The following MYOM2 variants were observed in gnomAD, a reference collection of about 807,000 sequenced individuals.
MYOM2 encodes the protein myomesin 2.
MYOM2 carries 254 observed loss-of-function variants against 187.6 expected under a neutral mutation model. That is an observed-to-expected ratio of 1.35 (90% confidence interval 1.22 to 1.50). The LOEUF (loss-of-function observed/expected upper bound fraction) is 1.50. Ranked by LOEUF, MYOM2 falls within the 40% of genes most tolerant of loss-of-function variation. The pLI, the probability that MYOM2 is intolerant of heterozygous loss-of-function variation, is 0.00. For synonymous variants in MYOM2, 981 were observed against 753.8 expected (o/e 1.30, Z -4.94); for missense variants, 2,796 against 1,924.0 (o/e 1.45, Z -8.48).
At chr8:2,046,646 C>T (rs1166968756) in intron 1 of MYOM2, among the ~76,000 whole-genome samples, 1 of 152,176 alleles carries the variant, frequency 6.6e-6, no homozygotes, top group African/African-American at 2.4e-5. Flanking sequence ...GTCAGCAGGT[C>T]CCCACTGGAG....
rs535284696 is a variant in MYOM2 at position 2,129,587 on chromosome 8, G to C, written c.3800+355G>C. On this transcript the variant is annotated intron_variant, in intron 32 of 36. Coordinates refer to ENST00000262113, the MANE Select transcript of MYOM2 (RefSeq NM_003970.4). ...GTAGAAACCAGACTCCAAATTTCCAGTCAGTTGGTTTCCCGCTAGACTTGA... is the reference window on the plus strand; with the variant it reads ...GTAGAAACCAGACTCCAAATTTCCACTCAGTTGGTTTCCCGCTAGACTTGA... 1.6e-4 allele frequency among the ~76,000 whole-genome samples: 24 copies of C among 152,268 alleles called. No individual in the cohort carries two copies. The South Asian group carries it at 4.8e-3, about 30-fold the overall frequency.
chr8:2,099,446 C>G (rs539930724), intron 19 of MYOM2, among the ~76,000 whole-genome samples: 1 of 152,116 alleles, frequency 6.6e-6, no homozygotes, highest in African/African-American at 2.4e-5. Context: ...CTCAGGCCAT[C>G]TGGGGATCTC....
rs1221529583 is a variant in MYOM2 at position 2,090,009 on chromosome 8, C to T, written c.1646C>T (p.Ser549Phe). Residue 549 changes from serine (S) to phenylalanine (F), a missense_variant and splice_region_variant, in exon 15 of 37, where the codon TCC becomes TTC. Coordinates refer to ENST00000262113, the MANE Select transcript of MYOM2 (RefSeq NM_003970.4). ...KDPLMYFIEK[S>F]VVGSGSWQRV... ...TCTCGTTTCTGTTTCTCTTTGTAGT[C>T]CGTGGTGGGGAGCGGCAGCTGGCAG... 10 of 1,613,314 alleles carry T rather than the reference C, an allele frequency of 6.2e-6. No homozygotes were observed. Among genetic ancestry groups the T allele is most frequent in the Admixed American group, 3.3e-5 (2 of 59,954 alleles).
At chr8:2,068,280 G>A (rs889133749) in intron 6 of MYOM2, among the ~76,000 whole-genome samples, 27 of 151,796 alleles carry the variant, frequency 1.8e-4, no homozygotes, top group African/African-American at 6.0e-4. Context: ...GCACCAGGCA[G>A]AGAGCATCCT....
intron 20 of MYOM2, among the ~76,000 whole-genome samples, chr8:2,101,463 G>A (rs919161780): frequency 6.6e-6 from 1 of 152,234 alleles, no homozygotes; most frequent in African/African-American, 2.4e-5. Context: ...CTCTGCGCAA[G>A]CCAGCACCGA....
chr8:2,123,429 T>C, intron 29 of MYOM2, 64 bp downstream of exon 29: 1 of 1,485,344 alleles, frequency 6.7e-7, no homozygotes, highest in South Asian at 1.2e-5. Context: ...AACTCGTAAA[T>C]TCTACAATCC....
At chr8:2,049,012 C>T (rs1039120874) in intron 1 of MYOM2, among the ~76,000 whole-genome samples, 2 of 152,142 alleles carry the variant, frequency 1.3e-5, no homozygotes, top group African/African-American at 2.4e-5. Context: ...AGGGTAGTCT[C>T]AATCTCCTGA....
In MYOM2 at chr8:2,107,734, C is replaced by G. The variant is rs554337513; in HGVS notation, c.2999-1052C>G. On this transcript the variant is annotated intron_variant, in intron 23 of 36. Transcript: ENST00000262113. ...GCAGGGTGGGGAAGGACCCAAAATC[C>G]ATTTGCATGCTTTTAAAGCAGCCTC... Among the ~76,000 whole-genome samples, 17 of 152,300 alleles carry G rather than the reference C, an allele frequency of 1.1e-4. No homozygotes were observed. In the East Asian group the frequency reaches 2.5e-3, roughly 23 times the overall value.
chr8:2,055,887 C>T lies in MYOM2; in HGVS notation c.264-1461C>T, dbSNP rs569607756. On this transcript the variant is annotated intron_variant, in intron 3 of 36. Coordinates refer to ENST00000262113, the MANE Select transcript of MYOM2 (RefSeq NM_003970.4). ...TACCGGGACTTTCTGTGCGATGTGGCCCTGGCCAAGAAGCCTCTTGGTGGC... is the reference window on the plus strand; with the variant it reads ...TACCGGGACTTTCTGTGCGATGTGGTCCTGGCCAAGAAGCCTCTTGGTGGC... Among the ~76,000 whole-genome samples the T allele has an allele frequency of 6.6e-5, 10 of 152,278 alleles. No individual in the cohort carries two copies. The South Asian group carries it at 2.1e-3, about 32-fold the overall frequency.
In MYOM2 at chr8:2,050,865, G is replaced by A. The variant is rs112978000; in HGVS notation, c.99G>A (p.Ala33=). Reference sequence around the variant, plus strand: ...CACGGTACCTGCTGGACGAATATGCGTCAAAAAAGTAAGCTGACATTCGCT... The same window carrying A: ...CACGGTACCTGCTGGACGAATATGCATCAAAAAAGTAAGCTGACATTCGCT... ...IQTRYLLDEY[A]SKKRASTQAS... is the part of the protein sequence containing the mutation. The change falls in exon 2 of 37, where the codon GCG becomes GCA. Residue 33 remains alanine, a synonymous_variant. Coordinates refer to ENST00000262113, the MANE Select transcript of MYOM2 (RefSeq NM_003970.4). 134 of 1,608,358 alleles carry A rather than the reference G, an allele frequency of 8.3e-5. No individual in the cohort carries two copies. The highest frequency in any genetic ancestry group is 3.3e-4 in the South Asian group (30 of 90,860).
intron 25 of MYOM2, among the ~76,000 whole-genome samples, chr8:2,114,158 A>T (rs1016572922): frequency 6.6e-6 from 1 of 152,240 alleles, no homozygotes; most frequent in South Asian, 2.1e-4. Context: ...CAGAAGCTGC[A>T]CTGTTGCAGA....
At position 2,073,397 on chromosome 8, in the gene MYOM2, C is replaced by T. The variant is rs752517942; in HGVS notation, c.1017C>T (p.Ser339=). The change falls in exon 10 of 37, where the codon TCC becomes TCT. Residue 339 remains serine (S), a synonymous_variant. Coordinates refer to ENST00000262113, the MANE Select transcript of MYOM2 (RefSeq NM_003970.4). ...TKMFFGEGQA[S]LSFSHLHKDD... is the part of the protein sequence containing the mutation. ...TGTTCTTTGGAGAAGGCCAGGCCTCCCTGTCCTTCAGCCACCTGCACAAGG... is the reference window on the plus strand; with the variant it reads ...TGTTCTTTGGAGAAGGCCAGGCCTCTCTGTCCTTCAGCCACCTGCACAAGG... The T allele has an allele frequency of 1.2e-6, 2 of 1,613,302 alleles. No individual in the cohort carries two copies. The highest frequency in any genetic ancestry group is 2.2e-5 in the East Asian group (1 of 44,872).
intron 21 of MYOM2, 56 bp downstream of exon 21, chr8:2,102,837 T>C: frequency 1.4e-6 from 2 of 1,391,816 alleles, no homozygotes; most frequent in Non-Finnish European, 2.0e-6. Flanking sequence ...AGAGTGTGCA[T>C]GTATTATGGA....
intron 13 of MYOM2, among the ~76,000 whole-genome samples, chr8:2,081,103 T>A (rs1183894300): frequency 1.6e-5 from 2 of 124,396 alleles, no homozygotes; most frequent in African/African-American, 6.7e-5. Flanking sequence ...GCCCAGCCCG[T>A]GTAGAATGAG....
chr8:2,071,329 G>A lies in MYOM2; in HGVS notation c.794-1016G>A, dbSNP rs147733727. Among the ~76,000 whole-genome samples the A allele has an allele frequency of 4.2e-3, 641 of 152,086 alleles. 5 individuals are homozygous for A. The highest frequency in any genetic ancestry group is 0.014 in the African/African-American group (590 of 41,504). Reference sequence around the variant, plus strand: ...TGTTTAAACTTCCCTACATGCATGTGTCTGTAAACCATACAGTTTTTTTTT... The same window carrying A: ...TGTTTAAACTTCCCTACATGCATGTATCTGTAAACCATACAGTTTTTTTTT... On this transcript the variant is annotated intron_variant, in intron 8 of 36. Coordinates refer to ENST00000262113, the MANE Select transcript of MYOM2 (RefSeq NM_003970.4).
chr8:2,142,702 C>T lies in MYOM2; in HGVS notation c.4024+305C>T, dbSNP rs184951994. 6.8e-4 allele frequency among the ~76,000 whole-genome samples: 64 copies of T among 94,604 alleles called. 1 individual carries two copies. In the East Asian group the frequency reaches 0.022, roughly 32 times the overall value. The allele number at this position is 94,604 out of a possible 152,430, so 62.1% of individuals were successfully genotyped here. On this transcript the variant is annotated intron_variant, in intron 35 of 36. Transcript: ENST00000262113. ...CTTTCCCTCCCTTCCTCCCTCCCCTCCCCTTCCCTCCCTCCCTCCCTCCCT... is the reference window on the plus strand; with the variant it reads ...CTTTCCCTCCCTTCCTCCCTCCCCTTCCCTTCCCTCCCTCCCTCCCTCCCT...
rs914624561 is a variant in MYOM2 at position 2,068,573 on chromosome 8, C to T, written c.654-705C>T. 2.7e-5 allele frequency among the ~76,000 whole-genome samples: 4 copies of T among 149,326 alleles called. 1 individual carries two copies. The highest frequency in any genetic ancestry group is 6.0e-5 in the Non-Finnish European group (4 of 67,122). On this transcript the variant is annotated intron_variant, in intron 6 of 36. Coordinates refer to ENST00000262113, the MANE Select transcript of MYOM2 (RefSeq NM_003970.4). ...ACCAGGCGGAGAGCATCCCGGGGGA[C>T]AGCTCTTCAATGCCCATGTGCACTA... is the stretch of plus-strand genomic sequence containing the variant.
chr8:2,135,003 C>T (rs1011131303), intron 32 of MYOM2, among the ~76,000 whole-genome samples: 11 of 152,166 alleles, frequency 7.2e-5, no homozygotes, highest in Non-Finnish European at 1.5e-4. Flanking sequence ...CTCGCTCATC[C>T]GTGTCCACTT....
At chr8:2,118,025 T>G (rs1345229009) in intron 28 of MYOM2, 73 bp downstream of exon 28, 1 of 1,336,312 alleles carries the variant, frequency 7.5e-7, no homozygotes, top group East Asian at 2.3e-5. Context: ...TTTCAGGGAG[T>G]AGCTGTGGCC....
Sources: allele counts gnomAD v4.1 joint callset (sites outside exome capture counted in the v4.1 genomes callset), GRCh38; gene constraint gnomAD v4.1.1; transcripts MANE v1.5; gene names NCBI Gene and HGNC (gene_info 2026-07-23, HGNC 2026-07-21).